The following TM4SF1 variants were observed in gnomAD, a reference collection of about 807,000 sequenced individuals.
The protein encoded by TM4SF1 is transmembrane 4 L6 family member 1.
In TM4SF1, 20 loss-of-function variants were observed where a neutral mutation model predicts 24.5. The ratio of observed to expected loss-of-function variants is 0.82; its 90% CI spans 0.57 to 1.19. The LOEUF (loss-of-function observed/expected upper bound fraction) is 1.19, where lower values mean the gene tolerates loss of function less well. Among genes scored for constraint, TM4SF1 ranks in the 50% most tolerant of loss-of-function variants. The pLI, the probability that TM4SF1 is intolerant of heterozygous loss-of-function variation, is 0.00. For synonymous variants in TM4SF1, 107 were observed against 95.4 expected, an observed-to-expected ratio of 1.12 and a Z score of -0.71; for missense variants, 258 against 248.1, an observed-to-expected ratio of 1.04 and a Z score of -0.27.
rs769449453 is a variant in TM4SF1 at position 149,375,429 on chromosome 3, G to C, written c.413+14C>G. The C allele has an allele frequency of 4.3e-6, 7 of 1,613,862 alleles. No homozygotes were observed. The African/African-American group carries it at 9.3e-5, about 22-fold the overall frequency. On this transcript the variant is annotated intron_variant, in intron 3 of 4. Coordinates refer to ENST00000305366, the MANE Select transcript of TM4SF1 (RefSeq NM_014220.3). The stretch of plus-strand genomic sequence containing the variant: ...GGATAAAAATGTGTAGCCATGTAGA[G>C]AGTAATTACATACTGGCCCTCAGTG...
chr3:149,377,329 A>G (rs376753921), intron 1 of TM4SF1, 42 bp downstream of exon 1: 88 of 1,566,664 alleles, frequency 5.6e-5, no homozygotes, highest in Middle Eastern at 1.7e-4. Flanking sequence ...GAAAACATCT[A>G]GGAAACAGGA....
chr3:149,375,386 C>G (rs553630318), intron 3 of TM4SF1, 57 bp downstream of exon 3: 1 of 1,592,524 alleles, frequency 6.3e-7, no homozygotes, highest in Admixed American at 1.7e-5. Flanking sequence ...GATAGAGCTG[C>G]CACTATATAC....
At position 149,370,881 on chromosome 3, in the gene TM4SF1, A is replaced by G. The variant is rs571874262; in HGVS notation, c.594+806T>C. 1.2e-4 allele frequency: 19 copies of G among 152,342 alleles called. 1 individual carries two copies. In the South Asian group the frequency reaches 3.7e-3, roughly 30 times the overall value. 9.4% of individuals were successfully genotyped at this position (152,342 alleles called of 1,614,324 possible). ...GTAAATGGTTTGAAAAATATAAGAC[A>G]TAAAATAACCCTCTCAAAGATAGGA... On this transcript the variant is annotated intron_variant, in intron 4 of 4. Coordinates refer to ENST00000305366, the MANE Select transcript of TM4SF1 (RefSeq NM_014220.3).
rs1307972651 is a variant in TM4SF1 at position 149,369,309 on chromosome 3, TG to T, written c.*556del. On this transcript the variant is annotated 3_prime_UTR_variant, in exon 5 of 5. Coordinates refer to ENST00000305366, the MANE Select transcript of TM4SF1 (RefSeq NM_014220.3). ...TAAGTTGTGATGCATTCATTTGGAT[TG>T]GAACATTCTCAATCAGTCCTTCCAC... 1 of 152,896 alleles carries T rather than the reference TG, an allele frequency of 6.5e-6. No homozygotes were observed. The highest frequency in any genetic ancestry group is 2.4e-5 in the African/African-American group (1 of 41,464). The allele number at this position is 152,896 out of a possible 1,614,324, so 9.5% of individuals were successfully genotyped here.
At chr3:149,374,943 T>C (rs548376534) in intron 3 of TM4SF1, among the ~76,000 whole-genome samples, 97 of 152,342 alleles carry the variant, frequency 6.4e-4, no homozygotes, top group African/African-American at 2.2e-3. Flanking sequence ...ACTGCCTGGG[T>C]TCAAATGCTA....
chr3:149,371,611 G>T, intron 4 of TM4SF1, 76 bp downstream of exon 4: 1 of 1,517,194 alleles, frequency 6.6e-7, no homozygotes. Context: ...GTTTGGTTTT[G>T]CCTTTTTCTT....
intron 4 of TM4SF1, 183 bp downstream of exon 4, chr3:149,371,504 T>A (rs948624241): frequency 4.6e-6 from 3 of 652,694 alleles, no homozygotes; most frequent in Non-Finnish European, 8.0e-6. Flanking sequence ...CCTGTGACTG[T>A]GAGACTCGAG....
At position 149,371,692 on chromosome 3, in the gene TM4SF1, G is replaced by A. The variant is rs1560002003; in HGVS notation, c.589C>T (p.Gln197Ter). The change falls in exon 4 of 5, where the codon CAA becomes TAA. Residue 197 changes from glutamine (Q) to a stop codon, truncating the protein, a stop_gained. Transcript: ENST00000305366. LOFTEE classifies it high-confidence loss of function. ...GGICGFCCSH[Q>*]QQYDC Reference sequence around the variant, plus strand: ...ATTTTCATGCAGGTTCTTACCTGTTGGTGAGAGCAGCAAAAGCCACATATG... The same window carrying A: ...ATTTTCATGCAGGTTCTTACCTGTTAGTGAGAGCAGCAAAAGCCACATATG... The A allele has an allele frequency of 6.2e-7, 1 of 1,614,084 alleles. No individual in the cohort carries two copies.
At chr3:149,374,013 C>A (rs1348756806) in intron 3 of TM4SF1, among the ~76,000 whole-genome samples, 1 of 152,102 alleles carries the variant, frequency 6.6e-6, no homozygotes, top group Non-Finnish European at 1.5e-5. Flanking sequence ...TTTTGAACAC[C>A]AAAATTTCAA....
chr3:149,376,879 C>G (rs1188697647), intron 1 of TM4SF1, among the ~76,000 whole-genome samples: 4 of 152,178 alleles, frequency 2.6e-5, no homozygotes, highest in African/African-American at 4.8e-5. Context: ...CACACCCCAG[C>G]CTTACATAAA....
intron 3 of TM4SF1, among the ~76,000 whole-genome samples, chr3:149,372,452 A>G (rs1731847348): frequency 6.6e-6 from 1 of 152,030 alleles, no homozygotes; most frequent in South Asian, 2.1e-4. Context: ...TCATTTTATT[A>G]CATCTCAATT....
In TM4SF1 at chr3:149,371,867, C is replaced by T. The variant is rs1169230231; in HGVS notation, c.414G>A (p.Gln138=). The T allele has an allele frequency of 6.2e-7, 1 of 1,613,744 alleles. No homozygotes were observed. The highest frequency in any genetic ancestry group is 1.7e-5 in the Admixed American group (1 of 59,942). The part of the protein sequence containing the change: ...WNYTFASTEG[Q]YLLDTSTWSE... Reference sequence around the variant, plus strand: ...ACCATGTGGAGGTATCCAGAAGGTACCTGTGGGTAAAAAGAGAAACTTCTG... The same window carrying T: ...ACCATGTGGAGGTATCCAGAAGGTATCTGTGGGTAAAAAGAGAAACTTCTG... The change falls in exon 4 of 5, where the codon CAG becomes CAA. Residue 138 remains glutamine, a splice_region_variant and synonymous_variant. Coordinates refer to ENST00000305366, the MANE Select transcript of TM4SF1 (RefSeq NM_014220.3).
intron 3 of TM4SF1, among the ~76,000 whole-genome samples, chr3:149,375,153 T>C (rs1731917149): frequency 6.6e-6 from 1 of 152,086 alleles, no homozygotes; most frequent in South Asian, 2.1e-4. Context: ...TGCAGTAAGC[T>C]ATGATTGTGC....
chr3:149,377,477 G>C lies in TM4SF1; in HGVS notation c.71C>G (p.Ala24Gly). 1 of 1,614,180 alleles carries C rather than the reference G, an allele frequency of 6.2e-7. No homozygotes were observed. The change falls in exon 1 of 5, where the codon GCT (alanine) becomes GGT (glycine). Residue 24 changes from alanine (A) to glycine (G), a missense_variant. Transcript: ENST00000305366. ...LVGLALLCIA[A>G]NILLYFPNGE... The stretch of plus-strand genomic sequence containing the variant: ...ATTGGGAAAGTAAAGCAAAATATTA[G>C]CCGCGATGCACAGGAGGGCGAGCCC...
In TM4SF1 at chr3:149,377,571, C is replaced by A. The variant is rs11555556; in HGVS notation, c.-24G>T. The A allele has an allele frequency of 1.3e-6, 2 of 1,598,392 alleles. No homozygotes were observed. Among genetic ancestry groups the A allele is most frequent in the Non-Finnish European group, 8.5e-7 (1 of 1,171,036 alleles). On this transcript the variant is annotated 5_prime_UTR_variant, in exon 1 of 5. Transcript: ENST00000305366. ...ATGGTGGTCTGCTAGGTTTTCTCCC[C>A]CTTCTCTTTGTCTTCAGCTCAGTGA...
rs745593284 is a variant in TM4SF1 at position 149,369,788 on chromosome 3, T to C, written c.*78A>G. The C allele has an allele frequency of 5.7e-6, 9 of 1,592,192 alleles. No individual in the cohort carries two copies. The Admixed American group carries it at 1.6e-4, about 28-fold the overall frequency. On this transcript the variant is annotated 3_prime_UTR_variant, in exon 5 of 5. Transcript: ENST00000305366. ...GAGTATGTTACACTAATACAAAGTTTTACAAATGAATACAAGTGAAATATA... is the reference window on the plus strand; with the variant it reads ...GAGTATGTTACACTAATACAAAGTTCTACAAATGAATACAAGTGAAATATA...
chr3:149,369,867 T>C lies in TM4SF1; in HGVS notation c.608A>G (p.Ter203=), dbSNP rs1453759679. 3 of 1,606,776 alleles carry C rather than the reference T, an allele frequency of 1.9e-6. No homozygotes were observed. The Admixed American group carries it at 5.2e-5, about 28-fold the overall frequency. The change falls in exon 5 of 5, where the codon TAA becomes TGA. Residue 203 remains the stop codon, a stop_retained_variant. Transcript: ENST00000305366. ...TGGCTCTGTCCTGGGTTGGTTCTTT[T>C]AGCAGTCATATTGCTGTAGAGAAAA... is the stretch of plus-strand genomic sequence containing the variant. The part of the protein sequence containing the change: ...CCSHQQQYDC[*]
rs144017260 is a variant in TM4SF1 at position 149,374,379 on chromosome 3, A to C, written c.413+1064T>G. 7.6e-4 allele frequency among the ~76,000 whole-genome samples: 116 copies of C among 152,336 alleles called. 1 individual carries two copies. The East Asian group carries it at 0.02, about 26-fold the overall frequency. On this transcript the variant is annotated intron_variant, in intron 3 of 4. Transcript: ENST00000305366. Reference sequence around the variant, plus strand: ...TGGGGTCAAACATTCTTGATAATATAATTTGTTATTAATATTATTTTTAAT... The same window carrying C: ...TGGGGTCAAACATTCTTGATAATATCATTTGTTATTAATATTATTTTTAAT...
rs146518065 is a variant in TM4SF1 at position 149,377,418 on chromosome 3, T to C, written c.130A>G (p.Ser44Gly). The change falls in exon 1 of 5, where the codon AGC becomes GGC. Residue 44 changes from serine to glycine, a missense_variant. Coordinates refer to ENST00000305366, the MANE Select transcript of TM4SF1 (RefSeq NM_014220.3). Reference protein sequence around the residue: ...ETKYASENHLSRFVWFFSGIV... With the variant: ...ETKYASENHLGRFVWFFSGIV... The stretch of plus-strand genomic sequence containing the variant: ...CCAGAAAAGAACCACACGAAGCGGC[T>C]GAGGTGGTTTTCGGAGGCATACTTT... 3 of 1,614,176 alleles carry C rather than the reference T, an allele frequency of 1.9e-6. No homozygotes were observed. Among genetic ancestry groups the C allele is most frequent in the Non-Finnish European group, 2.5e-6 (3 of 1,180,036 alleles).
Sources: gnomAD v4.1 joint callset for allele counts (sites outside exome capture counted in the v4.1 genomes callset) on GRCh38, gnomAD v4.1.1 for gene constraint, MANE v1.5 for transcripts, NCBI Gene and HGNC (gene_info 2026-07-23, HGNC 2026-07-21) for gene names.